Variants in TANC2 observed in about 807,000 individuals in gnomAD.
The protein encoded by TANC2 is protein TANC2.
TANC2 carries 26 observed loss-of-function variants against 210.5 expected under a neutral mutation model. The observed-to-expected ratio is 0.12, with a 90% CI of 0.09 to 0.17. TANC2 has a LOEUF of 0.17. TANC2 is among the 10% of genes least tolerant of loss of function. The pLI is 1.00. For synonymous variants in TANC2, 931 were observed against 967.1 expected (o/e 0.96, Z 0.69); for missense variants, 2,129 against 2,608.9 (o/e 0.82, Z 4.01).
intron 5 of TANC2, among the ~76,000 whole-genome samples, chr17:63,191,514 G>A (rs926945693): frequency 4.0e-5 from 6 of 151,834 alleles, no homozygotes; most frequent in South Asian, 2.1e-4. Flanking sequence ...CCAGGCTGGA[G>A]TGCAGTGACA....
chr17:63,360,570 A>C (rs914614682), intron 14 of TANC2, among the ~76,000 whole-genome samples: 1 of 152,196 alleles, frequency 6.6e-6, no homozygotes, highest in African/African-American at 2.4e-5. Flanking sequence ...ATAGGCATGC[A>C]GTGTGTAATA....
chr17:63,206,297 C>A (rs2041708792), intron 7 of TANC2, among the ~76,000 whole-genome samples: 1 of 152,158 alleles, frequency 6.6e-6, no homozygotes, highest in Non-Finnish European at 1.5e-5. Context: ...TATGGCAGTT[C>A]TCCAAAAAGT....
intron 2 of TANC2, among the ~76,000 whole-genome samples, chr17:63,068,922 T>A (rs754017166): frequency 6.6e-6 from 1 of 152,142 alleles, no homozygotes; most frequent in South Asian, 2.1e-4. Context: ...GTAATAAAAG[T>A]ATAAAAACAT....
chr17:63,182,289 A>G, intron 5 of TANC2: 1 of 193,148 alleles, frequency 5.2e-6, no homozygotes, highest in Non-Finnish European at 1.1e-5. Flanking sequence ...AAAAATCCTG[A>G]GAATAGAGAA....
At chr17:63,087,408 C>G (rs1212097061) in intron 3 of TANC2, among the ~76,000 whole-genome samples, 1 of 152,048 alleles carries the variant, frequency 6.6e-6, no homozygotes, top group Non-Finnish European at 1.5e-5. Flanking sequence ...ACCAGTGCTT[C>G]TCTGTTTTTT....
intron 13 of TANC2, among the ~76,000 whole-genome samples, chr17:63,354,001 A>T (rs764670494): frequency 6.6e-6 from 1 of 152,150 alleles, no homozygotes; most frequent in Non-Finnish European, 1.5e-5. Flanking sequence ...AACTTTTGTG[A>T]AAAATGGGAA....
intron 2 of TANC2, among the ~76,000 whole-genome samples, chr17:63,011,131 T>A (rs962700819): frequency 6.6e-6 from 1 of 152,104 alleles, no homozygotes; most frequent in Non-Finnish European, 1.5e-5. Context: ...CTCGTTAGCA[T>A]ATAGAAAACC....
chr17:63,094,135 A>G (rs564108763), intron 3 of TANC2, among the ~76,000 whole-genome samples: 1 of 152,260 alleles, frequency 6.6e-6, no homozygotes, highest in African/African-American at 2.4e-5. Context: ...AATTTGCCTT[A>G]CTGACTTATT....
At chr17:63,172,382 A>G (rs746757646) in intron 5 of TANC2, among the ~76,000 whole-genome samples, 5 of 151,832 alleles carry the variant, frequency 3.3e-5, no homozygotes, top group Non-Finnish European at 5.9e-5. Context: ...GGGTTTCACC[A>G]TGTTGGCCAG....
Position 63,306,141 on chromosome 17 carries a change from G to C in TANC2, c.1160-8247G>C, listed in dbSNP as rs1217234369. On this transcript the variant is annotated intron_variant, in intron 9 of 27. Coordinates refer to ENST00000689528, the Ensembl canonical transcript of TANC2. ...GGAAGTAAGGGAAGCCAGGCAGGAA[G>C]CAAGGAGAGTAAATGTAGCAAAAGT... is the stretch of plus-strand genomic sequence containing the variant. Among the ~76,000 whole-genome samples, 3 of 152,210 alleles carry C rather than the reference G, an allele frequency of 2.0e-5. No individual in the cohort carries two copies. In the East Asian group the frequency reaches 5.8e-4, roughly 29 times the overall value.
intron 11 of TANC2, among the ~76,000 whole-genome samples, chr17:63,334,843 G>A (rs1167418049): frequency 1.3e-5 from 2 of 152,218 alleles, no homozygotes; most frequent in East Asian, 3.8e-4. Context: ...TAGTCCTGCA[G>A]GCTGTATGAG....
intron 7 of TANC2, among the ~76,000 whole-genome samples, chr17:63,207,766 T>A (rs1177610780): frequency 2.0e-5 from 3 of 152,312 alleles, no homozygotes; most frequent in Non-Finnish European, 4.4e-5. Context: ...ATTGTCAGAT[T>A]ATTAGAAATG....
intron 11 of TANC2, chr17:63,332,015 A>C (rs1310092412): frequency 1.7e-5 from 5 of 286,066 alleles, no homozygotes; most frequent in Non-Finnish European, 3.5e-5. Flanking sequence ...TGCTGTCATC[A>C]TCCACCTCTG....
intron 8 of TANC2, among the ~76,000 whole-genome samples, chr17:63,263,071 G>T (rs2043417170): frequency 6.6e-6 from 1 of 151,740 alleles, no homozygotes; most frequent in African/African-American, 2.4e-5. Context: ...CCTTTAGCTG[G>T]GTTTCCAGTA....
intron 4 of TANC2, among the ~76,000 whole-genome samples, chr17:63,115,250 A>G (rs1252317457): frequency 1.3e-5 from 2 of 152,366 alleles, no homozygotes; most frequent in East Asian, 1.9e-4. Flanking sequence ...TAGGCTGTCC[A>G]TGGAATTTCC....
intron 3 of TANC2, among the ~76,000 whole-genome samples, chr17:63,091,334 A>G (rs1187984027): frequency 6.6e-6 from 1 of 152,058 alleles, no homozygotes; most frequent in Non-Finnish European, 1.5e-5. Context: ...TAGGGTTTTT[A>G]TGGTTTTAGG....
intron 4 of TANC2, among the ~76,000 whole-genome samples, chr17:63,142,686 C>CT: frequency 6.6e-6 from 1 of 152,142 alleles, no homozygotes; most frequent in Non-Finnish European, 1.5e-5. Flanking sequence ...AAGACATAAG[C>CT]TGTGAGCATG....
chr17:63,137,022 A>G (rs1719456235), intron 4 of TANC2, among the ~76,000 whole-genome samples: 1 of 152,232 alleles, frequency 6.6e-6, no homozygotes. Flanking sequence ...ATGAGACTCC[A>G]CGAGGCTAAA....
At chr17:63,061,780 T>G (rs1168841647) in intron 2 of TANC2, among the ~76,000 whole-genome samples, 1 of 152,150 alleles carries the variant, frequency 6.6e-6, no homozygotes, top group South Asian at 2.1e-4. Context: ...ATTTGTCACT[T>G]TCCTGCAAAT....
Sources: gnomAD v4.1 joint callset for allele counts (sites outside exome capture counted in the v4.1 genomes callset) on GRCh38, gnomAD v4.1.1 for gene constraint, MANE v1.5 for transcripts, NCBI Gene and HGNC (gene_info 2026-07-23, HGNC 2026-07-21) for gene names.